The following APBA1 variants were observed in gnomAD, a reference collection of about 807,000 sequenced individuals.
The protein encoded by APBA1 is amyloid beta precursor protein binding family A member 1, also known as amyloid-beta A4 precursor protein-binding family A member 1.
A neutral mutation model predicts 86.6 loss-of-function variants in APBA1; 55 were observed. The ratio of observed to expected loss-of-function variants is 0.64; its 90% CI spans 0.51 to 0.80. APBA1 has a LOEUF of 0.80. Ranked by LOEUF, APBA1 falls within the 30% of genes least tolerant of loss-of-function variation. APBA1 has a pLI of 0.00. For synonymous variants in APBA1, 511 were observed against 493.9 expected (o/e 1.03, Z -0.46); for missense variants, 1,090 against 1,183.0 (o/e 0.92, Z 1.15).
chr9:69,468,100 G>A lies in APBA1; in HGVS notation c.1337-132C>T, dbSNP rs1018042669. On this transcript the variant is annotated intron_variant, in intron 4 of 12. Coordinates refer to ENST00000265381, the MANE Select transcript of APBA1 (RefSeq NM_001163.4). ...GGCAGAGCCAACCTGCTGGTCTGAG[G>A]CATCTCTCTGTGTCTATCTGCACCC... 2.2e-5 allele frequency: 23 copies of A among 1,039,958 alleles called. No individual in the cohort carries two copies. The Admixed American group carries it at 3.5e-4, about 16-fold the overall frequency. 64.4% of individuals were successfully genotyped at this position (1,039,958 alleles called of 1,614,324 possible). A position where few individuals can be genotyped will look rare whatever the true frequency, so the allele number is the denominator to read the frequency against.
chr9:69,580,125 T>C (rs1164960682), intron 1 of APBA1, among the ~76,000 whole-genome samples: 2 of 152,212 alleles, frequency 1.3e-5, no homozygotes, highest in African/African-American at 4.8e-5. Flanking sequence ...GTCTGTGTCC[T>C]TGAGGAAATC....
At chr9:69,530,329 TACACACACAC>T (rs1215038586) in intron 1 of APBA1, among the ~76,000 whole-genome samples, 7 of 127,542 alleles carry the variant, frequency 5.5e-5, no homozygotes, top group Middle Eastern at 3.6e-3. Context: ...TATATATATA[TACACACACAC>T]ACACACACAC....
intron 2 of APBA1, among the ~76,000 whole-genome samples, chr9:69,511,526 G>A (rs1464436486): frequency 6.6e-6 from 1 of 151,052 alleles, no homozygotes; most frequent in Non-Finnish European, 1.5e-5. Flanking sequence ...GATTCCTCAG[G>A]GATCTAGAAC....
chr9:69,575,893 A>C (rs1169309200), intron 1 of APBA1, among the ~76,000 whole-genome samples: 2 of 152,256 alleles, frequency 1.3e-5, no homozygotes, highest in Non-Finnish European at 2.9e-5. Flanking sequence ...TACACAGCAA[A>C]AGAAATTACC....
intron 1 of APBA1, among the ~76,000 whole-genome samples, chr9:69,646,907 T>G (rs1823400374): frequency 6.6e-6 from 1 of 152,176 alleles, no homozygotes; most frequent in Non-Finnish European, 1.5e-5. Flanking sequence ...GGCCTCTCAG[T>G]GCCCTCCATG....
chr9:69,670,039 T>G (rs1175077792), intron 1 of APBA1, among the ~76,000 whole-genome samples: 2 of 152,196 alleles, frequency 1.3e-5, no homozygotes, highest in East Asian at 3.8e-4. Flanking sequence ...ACATTTGGCA[T>G]AACAAATAAG....
intron 1 of APBA1, among the ~76,000 whole-genome samples, chr9:69,602,814 C>T (rs1366824294): frequency 3.3e-5 from 5 of 152,068 alleles, no homozygotes; most frequent in Non-Finnish European, 7.4e-5. Context: ...TGACTGCCTA[C>T]ATTTCACAAA....
At chr9:69,535,747 C>T (rs1229996092) in intron 1 of APBA1, among the ~76,000 whole-genome samples, 3 of 152,060 alleles carry the variant, frequency 2.0e-5, no homozygotes, top group Admixed American at 2.0e-4. Flanking sequence ...CCCCAGGCCC[C>T]CTCTATTGAA....
At chr9:69,511,377 A>C (rs374064330) in intron 2 of APBA1, among the ~76,000 whole-genome samples, 20 of 152,180 alleles carry the variant, frequency 1.3e-4, no homozygotes, top group African/African-American at 1.7e-4. Context: ...AATGAGATAC[A>C]ATCTCACACC....
intron 1 of APBA1, among the ~76,000 whole-genome samples, chr9:69,552,368 C>A (rs188983742): frequency 3.0e-4 from 46 of 152,264 alleles, no homozygotes; most frequent in Admixed American, 4.6e-4. Flanking sequence ...CAGCTAATGG[C>A]TCATTATTTA....
chr9:69,586,750 T>A (rs544553373), intron 1 of APBA1, among the ~76,000 whole-genome samples: 6 of 152,270 alleles, frequency 3.9e-5, no homozygotes, highest in Non-Finnish European at 7.4e-5. Flanking sequence ...ATGAACTATA[T>A]CTGCATTTTC....
At chr9:69,558,688 C>T (rs538735356) in intron 1 of APBA1, among the ~76,000 whole-genome samples, 1 of 151,978 alleles carries the variant, frequency 6.6e-6, no homozygotes, top group African/African-American at 2.4e-5. Flanking sequence ...TATTTCGTCA[C>T]CCAGATGTTA....
intron 2 of APBA1, among the ~76,000 whole-genome samples, chr9:69,506,221 C>T (rs1035614068): frequency 7.9e-5 from 12 of 151,624 alleles, no homozygotes; most frequent in African/African-American, 1.9e-4. Flanking sequence ...GCACCGTGCG[C>T]GAGCCAAAGC....
At chr9:69,431,569 T>C (rs1360262827) in intron 12 of APBA1, among the ~76,000 whole-genome samples, 171 bp from the exon 13 acceptor site, 1 of 152,168 alleles carries the variant, frequency 6.6e-6, no homozygotes, top group African/African-American at 2.4e-5. Flanking sequence ...CCAGGAACAG[T>C]GGAATCCACT....
chr9:69,625,725 A>G (rs548395656), intron 1 of APBA1, among the ~76,000 whole-genome samples: 192 of 152,328 alleles, frequency 1.3e-3, no homozygotes, highest in Non-Finnish European at 1.8e-3. Context: ...AATATTAAGC[A>G]TATTATTAGA....
At chr9:69,624,744 T>G (rs1260495356) in intron 1 of APBA1, among the ~76,000 whole-genome samples, 3 of 152,212 alleles carry the variant, frequency 2.0e-5, no homozygotes, top group Admixed American at 6.5e-5. Context: ...GCAAGGGTTT[T>G]AAAACAAAGC....
At chr9:69,433,965 C>A (rs1321564993) in intron 11 of APBA1, among the ~76,000 whole-genome samples, 1 of 152,204 alleles carries the variant, frequency 6.6e-6, no homozygotes, top group Non-Finnish European at 1.5e-5. Flanking sequence ...GTGCCCGCCA[C>A]CACACCTGGC....
At chr9:69,632,798 C>T (rs1823075363) in intron 1 of APBA1, among the ~76,000 whole-genome samples, 1 of 152,080 alleles carries the variant, frequency 6.6e-6, no homozygotes, top group Non-Finnish European at 1.5e-5. Context: ...ATTTTCTTTC[C>T]ATTTGCCTCT....
chr9:69,504,221 G>A (rs1835919324), intron 2 of APBA1, among the ~76,000 whole-genome samples: 1 of 151,882 alleles, frequency 6.6e-6, no homozygotes, highest in South Asian at 2.1e-4. Context: ...ATTCTAGATA[G>A]GTACCCAGTA....
Sources: gnomAD v4.1 joint callset for allele counts (sites outside exome capture counted in the v4.1 genomes callset) on GRCh38, gnomAD v4.1.1 for gene constraint, MANE v1.5 for transcripts, NCBI Gene and HGNC (gene_info 2026-07-23, HGNC 2026-07-21) for gene names.